Variants in HOOK1 observed in about 807,000 individuals in gnomAD.
HOOK1 encodes protein Hook homolog 1.
HOOK1 carries 60 observed loss-of-function variants against 112.8 expected under a neutral mutation model. The observed-to-expected ratio is 0.53, with a 90% CI of 0.43 to 0.66. The LOEUF (loss-of-function observed/expected upper bound fraction) is 0.66. HOOK1 is among the 30% of genes least tolerant of loss of function. The probability of loss-of-function intolerance (pLI) is 0.00; values close to 1 mark genes in which losing one functional copy is unlikely to be tolerated. For synonymous variants in HOOK1, 294 were observed against 283.8 expected, an observed-to-expected ratio of 1.04 and a Z score of -0.36; for missense variants, 770 against 856.0, an observed-to-expected ratio of 0.90 and a Z score of 1.25.
intron 2 of HOOK1, among the ~76,000 whole-genome samples, chr1:59,823,194 C>G (rs1259293012): frequency 6.6e-6 from 1 of 152,152 alleles, no homozygotes. Flanking sequence ...GTGGCGGGCG[C>G]CTGTAGTCCC....
At position 59,815,195 on chromosome 1, in the gene HOOK1, G is replaced by T; in HGVS notation, c.63+15G>T. 1 of 1,541,880 alleles carries T rather than the reference G, an allele frequency of 6.5e-7. No homozygotes were observed. On this transcript the variant is annotated intron_variant, in intron 1 of 21. Transcript: ENST00000371208. ...TCATGATCTGGGTGAGTGCGAGGAG[G>T]CGAGAGGGCGAGGGGGCCAGGGGGC...
chr1:59,824,097 T>C (rs2098388041), intron 2 of HOOK1, among the ~76,000 whole-genome samples: 1 of 152,230 alleles, frequency 6.6e-6, no homozygotes, highest in African/African-American at 2.4e-5. Flanking sequence ...TCCTGGATAG[T>C]GAGACATAAA....
chr1:59,821,851 A>G lies in HOOK1; in HGVS notation c.64-7A>G, dbSNP rs766821442. The G allele has an allele frequency of 5.7e-6, 9 of 1,580,252 alleles. No individual in the cohort carries two copies. In the South Asian group the frequency reaches 9.4e-5, roughly 16 times the overall value. ...GCAGTAAGATCATTTGATTTATGTC[A>G]TTTTAGCTGCAGACATTCAATACTG... is the stretch of plus-strand genomic sequence containing the variant. On this transcript the variant is annotated splice_polypyrimidine_tract_variant and splice_region_variant and intron_variant, in intron 1 of 21. Coordinates refer to ENST00000371208, the MANE Select transcript of HOOK1 (RefSeq NM_015888.6).
chr1:59,853,558 C>G lies in HOOK1; in HGVS notation c.1242+4375C>G, dbSNP rs140470885. ...ATCGATTCTGCCAGTATTTGCTTTT[C>G]AATTGGAGTTTGGAATCCATTTACA... On this transcript the variant is annotated intron_variant, in intron 12 of 21. Transcript: ENST00000371208. Among the ~76,000 whole-genome samples, 872 of 152,066 alleles carry G rather than the reference C, an allele frequency of 5.7e-3. 3 individuals are homozygous for G. Among genetic ancestry groups the G allele is most frequent in the Admixed American group, 0.013 (197 of 15,262 alleles).
rs1559053150 is a variant in HOOK1 at position 59,846,570 on chromosome 1, CCTT to C, written c.789-473_789-471del. On this transcript the variant is annotated intron_variant, in intron 9 of 21. Transcript: ENST00000371208. ...TCCTTCCTTCCTTCCTTCCTTCCTTCCTTCCTTCCTTCCTTCCTCCCTCCTCCC... is the reference window on the plus strand; with the variant it reads ...TCCTTCCTTCCTTCCTTCCTTCCTTCCCTTCCTTCCTTCCTCCCTCCTCCC... 1.0e-3 allele frequency among the ~76,000 whole-genome samples: 82 copies of C among 81,718 alleles called. 1 individual carries two copies. The highest frequency in any genetic ancestry group is 4.1e-3 in the African/African-American group (76 of 18,390). 53.6% of individuals were successfully genotyped at this position (81,718 alleles called of 152,430 possible). A position where few individuals can be genotyped will look rare whatever the true frequency, so the allele number is the denominator to read the frequency against.
Position 59,849,123 on chromosome 1 carries a change from A to G in HOOK1, c.1182A>G (p.Thr394=), listed in dbSNP as rs1329508245. 4 of 1,609,952 alleles carry G rather than the reference A, an allele frequency of 2.5e-6. 1 individual carries two copies. The South Asian group carries it at 3.3e-5, about 13-fold the overall frequency. The change falls in exon 12 of 22, where the codon ACA becomes ACG. Residue 394 remains threonine, a synonymous_variant. Transcript: ENST00000371208. Reference sequence around the variant, plus strand: ...CCTCCGAATCCAAGAGGGCAGACACACTAGCGTTTGAAATGAAGCGGCTTG... The same window carrying G: ...CCTCCGAATCCAAGAGGGCAGACACGCTAGCGTTTGAAATGAAGCGGCTTG... ...KLSSESKRAD[T]LAFEMKRLEE... is the part of the protein sequence containing the mutation.
rs979408344 is a variant in HOOK1, at chr1:59,876,001, A to C, written c.*3036A>C. 1.0e-4 allele frequency: 16 copies of C among 152,682 alleles called. No individual in the cohort carries two copies. Among genetic ancestry groups the C allele is most frequent in the Admixed American group, 6.5e-4 (10 of 15,290 alleles). 9.5% of individuals were successfully genotyped at this position (152,682 alleles called of 1,614,324 possible). On this transcript the variant is annotated 3_prime_UTR_variant, in exon 22 of 22. Coordinates refer to ENST00000371208, the MANE Select transcript of HOOK1 (RefSeq NM_015888.6). ...GGCTTGGGGATGGCCTTTAGGCCACAGTAGTGTCTGTGTTAAGTTCACTAA... is the reference window on the plus strand; with the variant it reads ...GGCTTGGGGATGGCCTTTAGGCCACCGTAGTGTCTGTGTTAAGTTCACTAA...
At chr1:59,861,728 T>C (rs1256451633) in intron 15 of HOOK1, among the ~76,000 whole-genome samples, 1 of 152,170 alleles carries the variant, frequency 6.6e-6, no homozygotes, top group Non-Finnish European at 1.5e-5. Flanking sequence ...TACTCCTAAC[T>C]ACTATGGTAA....
intron 12 of HOOK1, among the ~76,000 whole-genome samples, chr1:59,855,233 C>T (rs992740532): frequency 2.0e-5 from 3 of 152,188 alleles, no homozygotes; most frequent in Non-Finnish European, 2.9e-5. Flanking sequence ...GTTTCCTCAA[C>T]CAGGTATTAA....
At chr1:59,816,053 T>C (rs1303298110) in intron 1 of HOOK1, among the ~76,000 whole-genome samples, 1 of 152,164 alleles carries the variant, frequency 6.6e-6, no homozygotes, top group Non-Finnish European at 1.5e-5. Context: ...TGGTGTTTGA[T>C]GAGCCACAAG....
At chr1:59,848,968 A>C (rs921214022) in intron 11 of HOOK1, 105 bp from the exon 12 acceptor site, 3 of 545,202 alleles carry the variant, frequency 5.5e-6, no homozygotes, top group Admixed American at 3.5e-5. Flanking sequence ...TAGTGTAGAT[A>C]TTTATTCATA....
Position 59,858,976 on chromosome 1 carries a change from AT to A in HOOK1, c.1331-3del. On this transcript the variant is annotated splice_region_variant and splice_polypyrimidine_tract_variant and intron_variant, in intron 13 of 21. Transcript: ENST00000371208. ...CTGAAATGCTAATTTATTTTTTGTT[AT>A]TTTTTAGATGCATCTGCTACAAAAA... 6.6e-7 allele frequency: 1 copy of A among 1,521,326 alleles called. No homozygotes were observed. The highest frequency in any genetic ancestry group is 9.1e-7 in the Non-Finnish European group (1 of 1,099,324). 94.2% of individuals were successfully genotyped at this position (1,521,326 alleles called of 1,614,324 possible).
intron 1 of HOOK1, among the ~76,000 whole-genome samples, chr1:59,817,300 A>G (rs1487771377): frequency 6.6e-6 from 1 of 151,968 alleles, no homozygotes; most frequent in African/African-American, 2.4e-5. Context: ...TCAACCCACT[A>G]CCCTTGAGTT....
At position 59,847,062 on chromosome 1, in the gene HOOK1, A is replaced by T. The variant is rs771197322; in HGVS notation, c.806A>T (p.Asp269Val). ...EENFRLEAAKDDYRVHCEELE... is the reference protein window; with the variant it reads ...EENFRLEAAKVDYRVHCEELE... ...TGTTCAAGGCTTGAAGCTGCAAAAG[A>T]TGATTACCGTGTTCACTGTGAAGAA... is the stretch of plus-strand genomic sequence containing the variant. The change falls in exon 10 of 22, where the codon GAT becomes GTT. Residue 269 changes from aspartate (D) to valine (V), a missense_variant. Transcript: ENST00000371208. The T allele has an allele frequency of 1.9e-6, 3 of 1,597,772 alleles. No homozygotes were observed. In the South Asian group the frequency reaches 3.4e-5, roughly 18 times the overall value.
chr1:59,865,953 A>G lies in HOOK1; in HGVS notation c.1826A>G (p.Tyr609Cys). ...GCAATGGAGGAAAGATATAAAATGT[A>G]CTTGGAGAAAGCCAGAAATGTGAGT... ...MKAMEERYKM[Y>C]LEKARNVIKT... Residue 609 changes from tyrosine to cysteine, a missense_variant, in exon 19 of 22, where the codon TAC becomes TGC. Physicochemically the swap from Tyr to Cys is radical, Grantham distance 194 (BLOSUM62 -2). This residue lies in a region of HOOK1 where 655 missense variants were observed against 725.9 expected (regional missense o/e 0.90). Coordinates refer to ENST00000371208, the MANE Select transcript of HOOK1 (RefSeq NM_015888.6). The G allele has an allele frequency of 6.3e-7, 1 of 1,589,468 alleles. No homozygotes were observed. Among genetic ancestry groups the G allele is most frequent in the East Asian group, 2.3e-5 (1 of 43,946 alleles).
intron 17 of HOOK1, 99 bp downstream of exon 17, chr1:59,864,765 T>C: frequency 1.3e-6 from 1 of 773,172 alleles, no homozygotes; most frequent in South Asian, 1.7e-5. Flanking sequence ...GAAAAGCAAA[T>C]ATCCTGATGC....
rs766078397 is a variant in HOOK1 at position 59,832,190 on chromosome 1, G to A, written c.250G>A (p.Gly84Arg). 6.4e-7 allele frequency: 1 copy of A among 1,555,316 alleles called. No individual in the cohort carries two copies. The highest frequency in any genetic ancestry group is 1.4e-5 in the African/African-American group (1 of 72,532). The change falls in exon 4 of 22, where the codon GGA becomes AGA. Residue 84 changes from glycine to arginine, a missense_variant. By Grantham distance (125) the Gly-to-Arg change is moderately radical. This residue lies in a region of HOOK1 where 655 missense variants were observed against 725.9 expected (regional missense o/e 0.90). Transcript: ENST00000371208. ...CAGTAATGTAAAGAAGGTCCTTCAA[G>A]GAATTATGAGTTATTATCATGAGGT... ...KASNVKKVLQ[G>R]IMSYYHEFLG...
intron 8 of HOOK1, among the ~76,000 whole-genome samples, chr1:59,841,781 C>T (rs919150438): frequency 2.6e-5 from 4 of 152,000 alleles, no homozygotes; most frequent in Non-Finnish European, 4.4e-5. Flanking sequence ...CAAAATTCTG[C>T]ATTTAAAGAT....
At chr1:59,867,779 C>T (rs377519673) in intron 19 of HOOK1, among the ~76,000 whole-genome samples, 1 of 152,234 alleles carries the variant, frequency 6.6e-6, no homozygotes, top group South Asian at 2.1e-4. Context: ...TATTGAATTA[C>T]ACTTGACTGG....
Sources: gnomAD v4.1 joint callset for allele counts (sites outside exome capture counted in the v4.1 genomes callset) on GRCh38, gnomAD v4.1.1 for gene constraint, gnomAD v4.1.1 regional missense constraint, MANE v1.5 for transcripts, NCBI Gene and HGNC (gene_info 2026-07-23, HGNC 2026-07-21) for gene names.